WDR5: variants seen among roughly 807,000 people sequenced by gnomAD.
WDR5 encodes WD repeat-containing protein 5.
For synonymous variants in WDR5, 144 were observed against 161.6 expected (o/e 0.89, Z 0.83); for missense variants, 187 against 416.9 (o/e 0.45, Z 4.80).
At chr9:134,139,765 A>AT in intron 1 of WDR5, 55 bp from the exon 2 acceptor site, 1 of 1,171,892 alleles carries the variant, frequency 8.5e-7, no homozygotes, top group East Asian at 2.5e-5. Context: ...TTGGAAATCA[A>AT]TTTTTTAAAA....
At chr9:134,149,847 C>G (rs28733640) in intron 8 of WDR5, among the ~76,000 whole-genome samples, 11,682 of 152,188 alleles carry the variant, frequency 0.077, 924 homozygotes, top group African/African-American at 0.2. Flanking sequence ...GAGTCAGAAG[C>G]CTCCGTCCAG....
chr9:134,137,260 C>T (rs1831610762), intron 1 of WDR5, among the ~76,000 whole-genome samples: 1 of 152,036 alleles, frequency 6.6e-6, no homozygotes, highest in Non-Finnish European at 1.5e-5. Context: ...CAGGCAGCAT[C>T]TGGTCTAGGG....
intron 1 of WDR5, among the ~76,000 whole-genome samples, chr9:134,138,740 C>G (rs1831717654): frequency 6.6e-6 from 1 of 152,160 alleles, no homozygotes; most frequent in African/African-American, 2.4e-5. Flanking sequence ...TTGAGACATG[C>G]TTTTTAATGC....
At position 134,141,532 on chromosome 9, in the gene WDR5, T is replaced by C. The variant is rs1448244921; in HGVS notation, c.213T>C (p.Ile71=). Reference sequence around the variant, plus strand: ...CAGCTGCTGATAAACTTATTAAAATTTGGGGCGCGTATGATGGGAAATTTG... The same window carrying C: ...CAGCTGCTGATAAACTTATTAAAATCTGGGGCGCGTATGATGGGAAATTTG... ...ASSSADKLIK[I]WGAYDGKFEK... Residue 71 remains isoleucine (I), a synonymous_variant, in exon 4 of 14, where the codon ATT becomes ATC. Coordinates refer to ENST00000358625, the MANE Select transcript of WDR5 (RefSeq NM_017588.3). The C allele has an allele frequency of 3.1e-6, 5 of 1,613,862 alleles. No individual in the cohort carries two copies. The highest frequency in any genetic ancestry group is 4.2e-6 in the Non-Finnish European group (5 of 1,179,958).
rs1438847218 is a variant in WDR5 at position 134,156,661 on chromosome 9, G to C, written c.904+68G>C. The C allele has an allele frequency of 2.0e-6, 3 of 1,538,312 alleles. No homozygotes were observed. In the African/African-American group the frequency reaches 4.1e-5, roughly 21 times the overall value. ...TGAGGACAGTTCCTGCAGGTGAAGC[G>C]TGGTGTGCCCGTAGGGTGCCGTCGT... On this transcript the variant is annotated intron_variant, in intron 13 of 13. Transcript: ENST00000358625.
At chr9:134,153,797 C>T (rs1254613792) in intron 9 of WDR5, among the ~76,000 whole-genome samples, 3 of 152,166 alleles carry the variant, frequency 2.0e-5, no homozygotes, top group Admixed American at 1.3e-4. Flanking sequence ...CCAGGACACA[C>T]CTTCCTTGAG....
At chr9:134,152,616 C>T (rs1336548822) in intron 9 of WDR5, among the ~76,000 whole-genome samples, 2 of 152,200 alleles carry the variant, frequency 1.3e-5, no homozygotes, top group South Asian at 2.1e-4. Context: ...GGGGAGTGTT[C>T]GTGTTTAAGA....
rs762040979 is a variant in WDR5 at position 134,141,625 on chromosome 9, G to T, written c.264+42G>T. 6 of 1,603,228 alleles carry T rather than the reference G, an allele frequency of 3.7e-6. No individual in the cohort carries two copies. The South Asian group carries it at 5.5e-5, about 15-fold the overall frequency. ...TGCGGTGAAGTTGACTGTTGAACAG[G>T]GTGGCTCTAGTGATCAAGGGGTCAG... is the stretch of plus-strand genomic sequence containing the variant. On this transcript the variant is annotated intron_variant, in intron 4 of 13. Coordinates refer to ENST00000358625, the MANE Select transcript of WDR5 (RefSeq NM_017588.3).
intron 7 of WDR5, 76 bp from the exon 8 acceptor site, chr9:134,148,212 G>GTTTT: frequency 6.2e-6 from 1 of 160,274 alleles, no homozygotes; most frequent in Non-Finnish European, 1.1e-5. Flanking sequence ...TTTTTTTTTT[G>GTTTT]AGATCAGGTA....
At position 134,136,099 on chromosome 9, in the gene WDR5, C is replaced by A. The variant is rs1448964305; in HGVS notation, c.-160C>A. 1 of 149,492 alleles carries A rather than the reference C, an allele frequency of 6.7e-6. No homozygotes were observed. The highest frequency in any genetic ancestry group is 6.6e-5 in the Admixed American group (1 of 15,050). 9.3% of individuals were successfully genotyped at this position (149,492 alleles called of 1,614,324 possible). On this transcript the variant is annotated 5_prime_UTR_variant, in exon 1 of 14. Transcript: ENST00000358625. ...CGCACTGCGCCCCCGCCGCCTGGCG[C>A]CCGCCCGAGCTGCCGCCTTGTCGAG...
At chr9:134,150,094 T>G (rs34775966) in intron 8 of WDR5, among the ~76,000 whole-genome samples, 19,730 of 152,118 alleles carry the variant, frequency 0.13, 1,998 homozygotes, top group African/African-American at 0.28. Context: ...ATGTCTTTGG[T>G]TTTAGCATGA....
intron 12 of WDR5, 71 bp from the exon 13 acceptor site, chr9:134,156,435 C>A: frequency 2.1e-6 from 3 of 1,461,386 alleles, no homozygotes; most frequent in Non-Finnish European, 2.9e-6. Flanking sequence ...ACTGGAGATT[C>A]TCTCCCTTTC....
At position 134,157,244 on chromosome 9, in the gene WDR5, C is replaced by G. The variant is rs527965181; in HGVS notation, c.905-649C>G. Among the ~76,000 whole-genome samples the G allele has an allele frequency of 1.0e-4, 16 of 152,382 alleles. No homozygotes were observed. The highest frequency in any genetic ancestry group is 3.8e-4 in the African/African-American group (16 of 41,606). On this transcript the variant is annotated intron_variant, in intron 13 of 13. Coordinates refer to ENST00000358625, the MANE Select transcript of WDR5 (RefSeq NM_017588.3). The surrounding 1 kb of genome is among the most constrained non-coding windows in gnomAD (Gnocchi z 5.0). ...ACCCAGCCTGGGGTCAGTGCTTACGCTCCACGGCGGGCCTGGGCCTTCCCC... is the reference window on the plus strand; with the variant it reads ...ACCCAGCCTGGGGTCAGTGCTTACGGTCCACGGCGGGCCTGGGCCTTCCCC...
chr9:134,139,916 C>G lies in WDR5; in HGVS notation c.39C>G (p.Ala13=). Residue 13 remains alanine, a synonymous_variant, in exon 2 of 14, where the codon GCC becomes GCG. Coordinates refer to ENST00000358625, the MANE Select transcript of WDR5 (RefSeq NM_017588.3). ...AGAAGAAGCCCGAGACCGAGGCCGC[C>G]AGAGCACAGCCAACCCCTTCGTCAT... ...TEEKKPETEA[A]RAQPTPSSSA... The G allele has an allele frequency of 6.2e-7, 1 of 1,613,536 alleles. No homozygotes were observed. Among genetic ancestry groups the G allele is most frequent in the Non-Finnish European group, 8.5e-7 (1 of 1,180,008 alleles).
chr9:134,136,359 C>T (rs972492817), intron 1 of WDR5, among the ~76,000 whole-genome samples, 159 bp downstream of exon 1: 3 of 150,644 alleles, frequency 2.0e-5, no homozygotes, highest in African/African-American at 4.9e-5. Flanking sequence ...CCGCCCGGGA[C>T]CCCCGCCCCG....
At chr9:134,142,465 G>A (rs778832737) in intron 6 of WDR5, 43 bp downstream of exon 6, 3 of 1,605,464 alleles carry the variant, frequency 1.9e-6, no homozygotes, top group Non-Finnish European at 1.7e-6. Context: ...GGTGGTGTCG[G>A]ATGTGGGAAG....
At chr9:134,154,626 C>A in intron 10 of WDR5, 85 bp downstream of exon 10, 4 of 1,474,986 alleles carry the variant, frequency 2.7e-6, no homozygotes, top group East Asian at 4.6e-5. Context: ...CTTTGGAGAG[C>A]GTGTTGTGGG....
At chr9:134,156,948 C>G (rs1238535133) in intron 13 of WDR5, among the ~76,000 whole-genome samples, 1 of 152,218 alleles carries the variant, frequency 6.6e-6, no homozygotes, top group Non-Finnish European at 1.5e-5. Context: ...CTGCCCCATC[C>G]TGGAGGCTCT....
Position 134,157,987 on chromosome 9 carries a change from C to A in WDR5, c.999C>A (p.Asp333Glu). ...AAACAATTAAACTGTGGAAGAGTGA[C>A]TGCTAAGTCCCTTTGCTCCTGCCCG... is the stretch of plus-strand genomic sequence containing the variant. ...NDKTIKLWKS[D>E]C Residue 333 changes from aspartate (D) to glutamate (E), a missense_variant, in exon 14 of 14, where the codon GAC (aspartate) becomes GAA (glutamate). Asp to Glu is a conservative substitution (Grantham distance 45). Transcript: ENST00000358625. This position sits in a 1 kb window ranked among gnomAD's most constrained non-coding sequence, Gnocchi z 5.0. The A allele has an allele frequency of 6.2e-7, 1 of 1,613,966 alleles. No individual in the cohort carries two copies. The highest frequency in any genetic ancestry group is 8.5e-7 in the Non-Finnish European group (1 of 1,179,852).
Sources: allele counts gnomAD v4.1 joint callset (sites outside exome capture counted in the v4.1 genomes callset), GRCh38; gene constraint gnomAD v4.1.1; non-coding constraint Gnocchi (gnomAD v3.1); transcripts MANE v1.5; gene names NCBI Gene and HGNC (gene_info 2026-07-23, HGNC 2026-07-21).